Variants in LPIN2 observed in about 807,000 individuals in gnomAD.
The protein encoded by LPIN2 is lipin 2.
In LPIN2, 55 loss-of-function variants were observed where a neutral mutation model predicts 111.4. The ratio of observed to expected loss-of-function variants is 0.49; its 90% CI spans 0.40 to 0.62. The LOEUF (loss-of-function observed/expected upper bound fraction) is 0.62, where lower values mean the gene tolerates loss of function less well. Among genes scored for constraint, LPIN2 ranks in the 20% least tolerant of loss-of-function variants. LPIN2 has a pLI of 0.00. For synonymous variants in LPIN2, 425 were observed against 414.0 expected, an observed-to-expected ratio of 1.03 and a Z score of -0.32; for missense variants, 992 against 1,112.1, an observed-to-expected ratio of 0.89 and a Z score of 1.54.
intron 4 of LPIN2, among the ~76,000 whole-genome samples, chr18:2,949,051 C>T (rs192953909): frequency 6.6e-6 from 1 of 152,266 alleles, no homozygotes; most frequent in Admixed American, 6.5e-5. Flanking sequence ...GATCCTCCCG[C>T]CTTGGCCTCC....
chr18:2,992,725 T>G lies in LPIN2; in HGVS notation c.-10+20362A>C, dbSNP rs569792093. 3.3e-5 allele frequency among the ~76,000 whole-genome samples: 5 copies of G among 152,144 alleles called. No homozygotes were observed. The East Asian group carries it at 7.7e-4, about 24-fold the overall frequency. On this transcript the variant is annotated intron_variant, in intron 1 of 19. Transcript: ENST00000677752. ...TAGGCCGGGTGCGGTGGCTCATGCC[T>G]GTAATCCCAGCACTTTGGGAGGTCG...
Position 2,937,744 on chromosome 18 carries a change from C to A in LPIN2, c.1116G>T (p.Ala372=), listed in dbSNP as rs773325510. ...TAGCTGCCGGTTTGGATTCTGAGGG[C>A]GCCTCCGCTAAGGCTGCGTTGGGAA... ...DHLPNAALAE[A]PSESKPAAKV... is the part of the protein sequence containing the mutation. The change falls in exon 7 of 20, where the codon GCG becomes GCT. Residue 372 remains alanine, a synonymous_variant. Coordinates refer to ENST00000677752, the MANE Select transcript of LPIN2 (RefSeq NM_001375808.2). 3 of 1,613,900 alleles carry A rather than the reference C, an allele frequency of 1.9e-6. No individual in the cohort carries two copies. The highest frequency in any genetic ancestry group is 2.5e-6 in the Non-Finnish European group (3 of 1,180,004).
chr18:2,920,543 G>A (rs746290723), intron 19 of LPIN2, 106 bp from the exon 20 acceptor site: 27 of 1,268,284 alleles, frequency 2.1e-5, no homozygotes, highest in South Asian at 6.1e-5. Flanking sequence ...AGGTGGGCAG[G>A]TTCAGAGGCA....
Position 2,924,545 on chromosome 18 carries a change from G to T in LPIN2, c.1940C>A (p.Ala647Glu). The change falls in exon 15 of 20, where the codon GCA becomes GAA. Residue 647 changes from alanine to glutamate, a missense_variant and splice_region_variant. Around this residue, in one of 4 missense-constraint regions of LPIN2, gnomAD observed 709 missense variants for 753.2 expected, o/e 0.94. Transcript: ENST00000677752. Reference sequence around the variant, plus strand: ...TGGGCCATCGTGGAGCTTCAGTTTTGCCTTTTAAAAAAGCATAAGAATAAA... The same window carrying T: ...TGGGCCATCGTGGAGCTTCAGTTTTTCCTTTTAAAAAAGCATAAGAATAAA... ...KSLRLSSDQI[A>E]KLKLHDGPND... The T allele has an allele frequency of 1.9e-6, 3 of 1,613,958 alleles. No individual in the cohort carries two copies. The East Asian group carries it at 6.7e-5, about 36-fold the overall frequency.
At chr18:2,944,141 T>C (rs1339911882) in intron 4 of LPIN2, among the ~76,000 whole-genome samples, 1 of 151,772 alleles carries the variant, frequency 6.6e-6, no homozygotes, top group Non-Finnish European at 1.5e-5. Flanking sequence ...ATCCAAACGA[T>C]CTAATTCTGT....
At chr18:2,958,161 C>CA (rs1017981496) in intron 2 of LPIN2, among the ~76,000 whole-genome samples, 8 of 44,722 alleles carry the variant, frequency 1.8e-4, no homozygotes, top group Admixed American at 3.5e-4. Flanking sequence ...AAAAAAACAA[C>CA]AAAAAAAAAA....
At chr18:2,927,694 C>T (rs368236726) in intron 12 of LPIN2, 28 bp downstream of exon 12, 49 of 1,607,828 alleles carry the variant, frequency 3.0e-5, no homozygotes, top group African/African-American at 9.4e-5. Flanking sequence ...TTTCAGCCCA[C>T]GGAAACAATG....
At chr18:2,938,683 A>C (rs1351217290) in intron 6 of LPIN2, among the ~76,000 whole-genome samples, 1 of 152,242 alleles carries the variant, frequency 6.6e-6, no homozygotes, top group Non-Finnish European at 1.5e-5. Flanking sequence ...AGGCTCTGTT[A>C]AAACAGTGTA....
chr18:2,993,268 G>A (rs989949420), intron 1 of LPIN2, among the ~76,000 whole-genome samples: 5 of 152,166 alleles, frequency 3.3e-5, no homozygotes, highest in African/African-American at 1.2e-4. Context: ...TTAAAATTAT[G>A]CAATAAAACT....
chr18:2,940,537 T>G, intron 5 of LPIN2, 68 bp downstream of exon 5: 1 of 922,280 alleles, frequency 1.1e-6, no homozygotes, highest in South Asian at 1.4e-5. Flanking sequence ...TACTACAGAT[T>G]AACAGAAAAG....
At chr18:3,009,758 T>C (rs1302131240) in intron 1 of LPIN2, among the ~76,000 whole-genome samples, 1 of 152,142 alleles carries the variant, frequency 6.6e-6, no homozygotes, top group African/African-American at 2.4e-5. Flanking sequence ...TCATTTCTTG[T>C]TAACAATTTT....
intron 1 of LPIN2, among the ~76,000 whole-genome samples, chr18:2,995,539 C>A (rs1354694784): frequency 6.6e-6 from 1 of 152,208 alleles, no homozygotes; most frequent in African/African-American, 2.4e-5. Flanking sequence ...CACTGATACA[C>A]CACTGTGTAA....
At chr18:2,929,249 C>T (rs1402741441) in intron 9 of LPIN2, 91 bp from the exon 10 acceptor site, 2 of 864,184 alleles carry the variant, frequency 2.3e-6, no homozygotes, top group Non-Finnish European at 3.8e-6. Context: ...AAATTGAAGG[C>T]TAAAATCATC....
intron 3 of LPIN2, among the ~76,000 whole-genome samples, chr18:2,952,396 C>T (rs1330698925): frequency 1.3e-5 from 2 of 152,154 alleles, no homozygotes; most frequent in Non-Finnish European, 2.9e-5. Context: ...TGCACTCCAG[C>T]CTGGGCAACA....
At chr18:2,945,803 A>C in intron 4 of LPIN2, 1 of 1,378,866 alleles carries the variant, frequency 7.3e-7, no homozygotes, top group Non-Finnish European at 1.0e-6. Context: ...GTGAATTTTT[A>C]GCCTATACTG....
At chr18:2,978,189 A>C (rs2078050951) in intron 1 of LPIN2, among the ~76,000 whole-genome samples, 1 of 152,112 alleles carries the variant, frequency 6.6e-6, no homozygotes, top group African/African-American at 2.4e-5. Flanking sequence ...TCTGTCTTTT[A>C]AAAAATAAAA....
intron 1 of LPIN2, among the ~76,000 whole-genome samples, chr18:2,972,732 A>C (rs1313375107): frequency 6.6e-6 from 1 of 152,180 alleles, no homozygotes; most frequent in Non-Finnish European, 1.5e-5. Flanking sequence ...CAACATTCAC[A>C]TGGCCAAACT....
rs1035448949 is a variant in LPIN2, at chr18:2,982,621, T to C, written c.-9-21772A>G. The C allele has an allele frequency of 1.7e-5, 15 of 897,880 alleles. No homozygotes were observed. In the African/African-American group the frequency reaches 1.7e-4, roughly 10 times the overall value. 55.6% of individuals were successfully genotyped at this position (897,880 alleles called of 1,614,324 possible). A position where few individuals can be genotyped will look rare whatever the true frequency, so the allele number is the denominator to read the frequency against. On this transcript the variant is annotated intron_variant, in intron 1 of 19. Coordinates refer to ENST00000677752, the MANE Select transcript of LPIN2 (RefSeq NM_001375808.2). ...CCCTTGTCTCTCAGTAGTGTCCAGA[T>C]TGAGCAAGCAGCGAAGGGAGCAGGG...
intron 2 of LPIN2, among the ~76,000 whole-genome samples, chr18:2,958,082 C>T (rs1012021702): frequency 1.6e-5 from 2 of 127,002 alleles, no homozygotes; most frequent in African/African-American, 6.0e-5. Context: ...GCGGAAGTTG[C>T]AGTGAGCAGA....
Sources: gnomAD v4.1 joint callset for allele counts (sites outside exome capture counted in the v4.1 genomes callset) on GRCh38, gnomAD v4.1.1 for gene constraint, gnomAD v4.1.1 regional missense constraint, MANE v1.5 for transcripts, NCBI Gene and HGNC (gene_info 2026-07-23, HGNC 2026-07-21) for gene names.